The following ZC3H3 variants were observed in gnomAD, a reference collection of about 807,000 sequenced individuals.
ZC3H3 encodes the protein zinc finger CCCH domain-containing protein 3.
In ZC3H3, 36 loss-of-function variants were observed where a neutral mutation model predicts 77.3. The observed-to-expected ratio is 0.47, with a 90% CI of 0.36 to 0.61. The LOEUF is 0.61. Ranked by LOEUF, ZC3H3 falls within the 20% of genes least tolerant of loss-of-function variation. The pLI is 0.00. For synonymous variants in ZC3H3, 626 were observed against 555.2 expected (o/e 1.13, Z -1.79); for missense variants, 1,331 against 1,312.2 (o/e 1.01, Z -0.22).
At chr8:143,537,809 C>T (rs1269007821) in intron 2 of ZC3H3, among the ~76,000 whole-genome samples, 194 bp downstream of exon 2, 1 of 152,042 alleles carries the variant, frequency 6.6e-6, no homozygotes, top group Non-Finnish European at 1.5e-5. Flanking sequence ...AACCTGTCCC[C>T]TAAGTTTATG....
chr8:143,532,738 G>A (rs1822657822), intron 3 of ZC3H3, among the ~76,000 whole-genome samples: 2 of 152,256 alleles, frequency 1.3e-5, no homozygotes, highest in South Asian at 4.1e-4. Flanking sequence ...TTCCTAGGCA[G>A]GCAGGCAGGC....
At chr8:143,489,219 T>C (rs920963105) in intron 4 of ZC3H3, among the ~76,000 whole-genome samples, 3 of 152,206 alleles carry the variant, frequency 2.0e-5, no homozygotes, top group Admixed American at 6.5e-5. Context: ...GAGCTGGGTC[T>C]GGTACCTATG....
At chr8:143,452,474 C>A (rs1820013311) in intron 9 of ZC3H3, among the ~76,000 whole-genome samples, 1 of 152,202 alleles carries the variant, frequency 6.6e-6, no homozygotes, top group Non-Finnish European at 1.5e-5. Flanking sequence ...ACACTAAGAA[C>A]AAGGGAGGCT....
intron 4 of ZC3H3, among the ~76,000 whole-genome samples, chr8:143,501,651 C>A (rs7830193): frequency 6.6e-6 from 1 of 152,044 alleles, no homozygotes; most frequent in Non-Finnish European, 1.5e-5. Flanking sequence ...TGCCTGGCCA[C>A]GGGGCGCTGG....
intron 5 of ZC3H3, among the ~76,000 whole-genome samples, chr8:143,474,888 C>T (rs1280624037): frequency 1.3e-5 from 2 of 152,214 alleles, no homozygotes; most frequent in African/African-American, 4.8e-5. Flanking sequence ...ACACAGTTGT[C>T]GAGGCGTCGC....
At chr8:143,475,619 C>G (rs1377887647) in intron 4 of ZC3H3, 34 bp from the exon 5 acceptor site, 20 of 1,541,270 alleles carry the variant, frequency 1.3e-5, no homozygotes, top group Non-Finnish European at 1.7e-5. Flanking sequence ...CAAACCTGGC[C>G]CCAGGACAGA....
At chr8:143,451,613 G>A (rs2129817259) in intron 9 of ZC3H3, among the ~76,000 whole-genome samples, 1 of 151,942 alleles carries the variant, frequency 6.6e-6, no homozygotes, top group Non-Finnish European at 1.5e-5. Flanking sequence ...GTGACACCCT[G>A]TCTCTACTAA....
chr8:143,537,777 G>C (rs1402302361), intron 2 of ZC3H3, among the ~76,000 whole-genome samples: 1 of 152,242 alleles, frequency 6.6e-6, no homozygotes, highest in Non-Finnish European at 1.5e-5. Context: ...GGATGGGCTT[G>C]CCAGCAGTGT....
At chr8:143,488,545 C>T (rs1821109322) in intron 4 of ZC3H3, among the ~76,000 whole-genome samples, 1 of 149,036 alleles carries the variant, frequency 6.7e-6, no homozygotes, top group South Asian at 2.1e-4. Context: ...GCACCCGCTA[C>T]ACGGCCCCAT....
intron 4 of ZC3H3, among the ~76,000 whole-genome samples, chr8:143,505,715 C>T (rs549430379): frequency 6.6e-6 from 1 of 152,338 alleles, no homozygotes; most frequent in Middle Eastern, 3.4e-3. Context: ...CATCCTGGGG[C>T]GGACTCAGCC....
At chr8:143,475,164 G>A (rs560820780) in intron 5 of ZC3H3, among the ~76,000 whole-genome samples, 2 of 152,328 alleles carry the variant, frequency 1.3e-5, no homozygotes, top group East Asian at 3.9e-4. Context: ...AAGGCGCCGG[G>A]TGTATGGAAG....
rs368287129 is a variant in ZC3H3 at position 143,537,992 on chromosome 8, G to C, written c.1364+11C>G. On this transcript the variant is annotated intron_variant, in intron 2 of 11. Coordinates refer to ENST00000262577, the MANE Select transcript of ZC3H3 (RefSeq NM_015117.3). ...CCCTCACACTCTACCGCAGCCGGCCGGGATGCCCACCTTGTGCTGCTGCGT... is the reference window on the plus strand; with the variant it reads ...CCCTCACACTCTACCGCAGCCGGCCCGGATGCCCACCTTGTGCTGCTGCGT... 1.3e-6 allele frequency: 2 copies of C among 1,587,864 alleles called. No homozygotes were observed. The highest frequency in any genetic ancestry group is 4.5e-5 in the East Asian group (2 of 44,674).
intron 9 of ZC3H3, among the ~76,000 whole-genome samples, chr8:143,457,929 G>A (rs1268849491): frequency 6.6e-6 from 1 of 151,764 alleles, no homozygotes. Context: ...CAAGAATGTA[G>A]AGGAAAAAAA....
intron 3 of ZC3H3, among the ~76,000 whole-genome samples, chr8:143,516,265 T>C (rs1477831541): frequency 6.6e-6 from 1 of 152,180 alleles, no homozygotes; most frequent in East Asian, 1.9e-4. Flanking sequence ...TTTTCTTGTA[T>C]GTGATGGCTC....
At chr8:143,541,249 T>A (rs1823004164) in intron 1 of ZC3H3, 127 bp downstream of exon 1, 2 of 1,522,160 alleles carry the variant, frequency 1.3e-6, no homozygotes, top group African/African-American at 2.8e-5. Flanking sequence ...GACCCTACCG[T>A]CCCCCACCCC....
chr8:143,507,822 G>T lies in ZC3H3; in HGVS notation c.1639C>A (p.Pro547Thr). 1 of 1,609,718 alleles carries T rather than the reference G, an allele frequency of 6.2e-7. No individual in the cohort carries two copies. Among genetic ancestry groups the T allele is most frequent in the Non-Finnish European group, 8.5e-7 (1 of 1,178,784 alleles). Residue 547 changes from proline to threonine, a missense_variant, in exon 4 of 12, where the codon CCG (proline) becomes ACG (threonine). By Grantham distance (38) the Pro-to-Thr change is conservative. Coordinates refer to ENST00000262577, the MANE Select transcript of ZC3H3 (RefSeq NM_015117.3). ...KTRYRIVKKTPASPLSAPPFP... is the reference protein window; with the variant it reads ...KTRYRIVKKTTASPLSAPPFP... The stretch of plus-strand genomic sequence containing the variant: ...GGCGGGGCGCTGAGAGGCGAGGCCG[G>T]CGTCTTCTTGACAATGCGGTAGCGG...
Position 143,463,144 on chromosome 8 carries a change from C to T in ZC3H3, c.2307+2573G>A, listed in dbSNP as rs548709152. Among the ~76,000 whole-genome samples the T allele has an allele frequency of 3.3e-5, 5 of 152,292 alleles. No individual in the cohort carries two copies. In the East Asian group the frequency reaches 5.8e-4, roughly 18 times the overall value. On this transcript the variant is annotated intron_variant, in intron 9 of 11. Transcript: ENST00000262577. ...GATTACAGGCATTTGCCGCCACAAC[C>T]GGCTAACTTTTCGTATTTTTAGTAG...
rs200217929 is a variant in ZC3H3, at chr8:143,537,990, C to A, written c.1364+13G>T. Reference sequence around the variant, plus strand: ...GCCCCTCACACTCTACCGCAGCCGGCCGGGATGCCCACCTTGTGCTGCTGC... The same window carrying A: ...GCCCCTCACACTCTACCGCAGCCGGACGGGATGCCCACCTTGTGCTGCTGC... On this transcript the variant is annotated intron_variant, in intron 2 of 11. Coordinates refer to ENST00000262577, the MANE Select transcript of ZC3H3 (RefSeq NM_015117.3). 23 of 1,585,080 alleles carry A rather than the reference C, an allele frequency of 1.5e-5. No homozygotes were observed. The highest frequency in any genetic ancestry group is 2.0e-5 in the Non-Finnish European group (23 of 1,165,198).
At chr8:143,529,432 C>T (rs945407433) in intron 3 of ZC3H3, among the ~76,000 whole-genome samples, 1 of 152,144 alleles carries the variant, frequency 6.6e-6, no homozygotes, top group Admixed American at 6.5e-5. Context: ...TCCAAGGCAC[C>T]GGGAGGCAAC....
Sources: allele counts gnomAD v4.1 joint callset (sites outside exome capture counted in the v4.1 genomes callset), GRCh38; gene constraint gnomAD v4.1.1; transcripts MANE v1.5; gene names NCBI Gene and HGNC (gene_info 2026-07-23, HGNC 2026-07-21).